Variants in CAMK2D observed in about 807,000 individuals in gnomAD.
The protein encoded by CAMK2D is calcium/calmodulin-dependent protein kinase type II subunit delta.
Under a neutral mutation model 84.0 loss-of-function variants are expected in CAMK2D, and 37 were observed. That is an observed-to-expected ratio of 0.44 (90% CI 0.34 to 0.58). CAMK2D has a LOEUF of 0.58. Ranked by LOEUF, CAMK2D falls within the 20% of genes least tolerant of loss-of-function variation. The pLI is 0.02. For synonymous variants in CAMK2D, 202 were observed against 212.5 expected, an observed-to-expected ratio of 0.95 and a Z score of 0.43; for missense variants, 448 against 652.5, an observed-to-expected ratio of 0.69 and a Z score of 3.41.
intron 19 of CAMK2D, chr4:113,456,489 A>T (rs1256816853): frequency 7.1e-6 from 1 of 140,410 alleles, no homozygotes; most frequent in East Asian, 2.1e-4. Context: ...ACTTTTCTTC[A>T]TGATGCTCAT....
chr4:113,549,625 A>G (rs1383241142), intron 5 of CAMK2D, among the ~76,000 whole-genome samples: 1 of 152,248 alleles, frequency 6.6e-6, no homozygotes, highest in African/African-American at 2.4e-5. Flanking sequence ...TGCAGAACAC[A>G]TCACACTGAT....
At chr4:113,736,377 CTG>C (rs1191098808) in intron 2 of CAMK2D, among the ~76,000 whole-genome samples, 3 of 152,068 alleles carry the variant, frequency 2.0e-5, no homozygotes, top group Non-Finnish European at 4.4e-5. Flanking sequence ...GAAATCAAAA[CTG>C]TGTATATCAT....
intron 13 of CAMK2D, among the ~76,000 whole-genome samples, chr4:113,506,491 T>C (rs2098129362): frequency 6.6e-6 from 1 of 152,054 alleles, no homozygotes; most frequent in South Asian, 2.1e-4. Flanking sequence ...GAATTTAACA[T>C]GATATTTGTG....
At chr4:113,688,014 A>T (rs988858011) in intron 2 of CAMK2D, among the ~76,000 whole-genome samples, 1 of 152,226 alleles carries the variant, frequency 6.6e-6, no homozygotes, top group Non-Finnish European at 1.5e-5. Flanking sequence ...CACTAGGTAG[A>T]TCAGGCTCAG....
intron 4 of CAMK2D, among the ~76,000 whole-genome samples, chr4:113,602,093 T>C (rs2098955771): frequency 1.3e-5 from 2 of 149,040 alleles, no homozygotes; most frequent in South Asian, 2.1e-4. Flanking sequence ...TTTTAGTTCT[T>C]TTTTTTTTTA....
intron 8 of CAMK2D, among the ~76,000 whole-genome samples, chr4:113,518,613 T>C (rs1225848999): frequency 6.6e-6 from 1 of 152,194 alleles, no homozygotes; most frequent in Non-Finnish European, 1.5e-5. Flanking sequence ...GTCATTCCTC[T>C]GACCTCTCCT....
Position 113,465,998 on chromosome 4 carries a change from T to A in CAMK2D, c.1136-394A>T, listed in dbSNP as rs924570266. Among the ~76,000 whole-genome samples the A allele has an allele frequency of 1.1e-4, 17 of 151,306 alleles. No individual in the cohort carries two copies. The East Asian group carries it at 2.8e-3, about 25-fold the overall frequency. On this transcript the variant is annotated intron_variant, in intron 16 of 20. Transcript: ENST00000511664. ...TGGGCAAAGTGGCTCATGCCTGTAA[T>A]CCCAGCACTTTGGGAGGCCGAGGTG...
chr4:113,542,870 TTC>T (rs1248307184), intron 6 of CAMK2D, among the ~76,000 whole-genome samples: 3 of 152,018 alleles, frequency 2.0e-5, no homozygotes, highest in Non-Finnish European at 4.4e-5. Flanking sequence ...ATCTCTCTCT[TTC>T]TCTCTCTCTC....
At chr4:113,494,839 C>T (rs896462342) in intron 16 of CAMK2D, among the ~76,000 whole-genome samples, 6 of 152,108 alleles carry the variant, frequency 3.9e-5, no homozygotes, top group Non-Finnish European at 5.9e-5. Flanking sequence ...ATATAATCTC[C>T]TGGTGCGCCG....
chr4:113,513,849 T>C lies in CAMK2D; in HGVS notation c.884A>G (p.Asn295Ser). ...QETVDCLKKFNARRKLKGAIL... is the reference protein window; with the variant it reads ...QETVDCLKKFSARRKLKGAIL... ...TCTTACCTTTAGTTTTCTTCTAGCA[T>C]TAAATTTCTTCAAGCAGTCTACAGT... The change falls in exon 11 of 21, where the codon AAT becomes AGT. Residue 295 changes from asparagine to serine, a missense_variant. Physicochemically the swap from Asn to Ser is conservative, Grantham distance 46 (BLOSUM62 1). Transcript: ENST00000511664. The C allele has an allele frequency of 6.4e-7, 1 of 1,569,828 alleles. No individual in the cohort carries two copies. The highest frequency in any genetic ancestry group is 1.1e-5 in the South Asian group (1 of 89,368).
chr4:113,740,089 C>T (rs2099589367), intron 2 of CAMK2D, among the ~76,000 whole-genome samples: 1 of 152,122 alleles, frequency 6.6e-6, no homozygotes, highest in African/African-American at 2.4e-5. Context: ...AGAGTACTAT[C>T]TCATAAAATG....
intron 16 of CAMK2D, among the ~76,000 whole-genome samples, chr4:113,474,498 CTTTTTTTTTT>C (rs70961831): frequency 0.042 from 3,804 of 89,968 alleles, 180 homozygotes; most frequent in African/African-American, 0.15. Flanking sequence ...CCTTTTTGGC[CTTTTTTTTTT>C]TTTTTTTTTT....
chr4:113,698,022 G>A (rs1409581779), intron 2 of CAMK2D, among the ~76,000 whole-genome samples: 2 of 151,980 alleles, frequency 1.3e-5, no homozygotes, highest in Admixed American at 1.3e-4. Context: ...TTGCTAAGTC[G>A]AGAATGCATT....
At chr4:113,529,637 C>T (rs907967535) in intron 8 of CAMK2D, among the ~76,000 whole-genome samples, 4 of 152,052 alleles carry the variant, frequency 2.6e-5, no homozygotes, top group Non-Finnish European at 5.9e-5. Flanking sequence ...ATAAAAATTC[C>T]ATTATAAAAA....
At chr4:113,657,123 A>C (rs2099204748) in intron 3 of CAMK2D, among the ~76,000 whole-genome samples, 1 of 152,084 alleles carries the variant, frequency 6.6e-6, no homozygotes, top group African/African-American at 2.4e-5. Context: ...ATAAATCCCC[A>C]GCTGTCATTG....
chr4:113,761,690 G>A lies in CAMK2D; in HGVS notation c.-622C>T, dbSNP rs2099641702. 1.0e-6 allele frequency: 1 copy of A among 980,994 alleles called. No individual in the cohort carries two copies. Among genetic ancestry groups the A allele is most frequent in the South Asian group, 4.7e-5 (1 of 21,194 alleles). The allele number at this position is 980,994 out of a possible 1,614,324, so 60.8% of individuals were successfully genotyped here. A position where few individuals can be genotyped will look rare whatever the true frequency, so the allele number is the denominator to read the frequency against. ...CGAAGCGAGGCACCTTGGCGGCCTC[G>A]CGCTGCTCACGAGCCCGCGCGGCTT... On this transcript the variant is annotated 5_prime_UTR_variant, in exon 1 of 21. Coordinates refer to ENST00000511664, the MANE Select transcript of CAMK2D (RefSeq NM_001321571.2).
chr4:113,690,596 T>C (rs1010032384), intron 2 of CAMK2D, among the ~76,000 whole-genome samples: 1 of 152,204 alleles, frequency 6.6e-6, no homozygotes, highest in African/African-American at 2.4e-5. Flanking sequence ...ATCTACTAAA[T>C]GATGTCTATA....
chr4:113,640,175 T>C (rs2099126721), intron 3 of CAMK2D, among the ~76,000 whole-genome samples: 2 of 152,188 alleles, frequency 1.3e-5, no homozygotes, highest in South Asian at 4.2e-4. Context: ...AGTTCCATTT[T>C]ATGCACAGTA....
At position 113,452,129 on chromosome 4, in the gene CAMK2D, G is replaced by A. The variant is rs1448678369; in HGVS notation, c.*2416C>T. The A allele has an allele frequency of 7.8e-5, 7 of 90,176 alleles. No individual in the cohort carries two copies. Among genetic ancestry groups the A allele is most frequent in the African/African-American group, 3.6e-4 (6 of 16,806 alleles). 5.6% of individuals were successfully genotyped at this position (90,176 alleles called of 1,614,324 possible). A position where few individuals can be genotyped will look rare whatever the true frequency, so the allele number is the denominator to read the frequency against. ...ATCAAAGTGTTACAAGGACAGGTTC[G>A]TATTAAAAAAAAAAAAAAAAAGCAG... is the stretch of plus-strand genomic sequence containing the variant. On this transcript the variant is annotated 3_prime_UTR_variant, in exon 21 of 21. Coordinates refer to ENST00000511664, the MANE Select transcript of CAMK2D (RefSeq NM_001321571.2).
Sources: allele counts gnomAD v4.1 joint callset (sites outside exome capture counted in the v4.1 genomes callset), GRCh38; gene constraint gnomAD v4.1.1; transcripts MANE v1.5; gene names NCBI Gene and HGNC (gene_info 2026-07-23, HGNC 2026-07-21).